Variants in CDH23 observed in about 807,000 individuals in gnomAD.
CDH23 encodes the protein cadherin-23.
Under a neutral mutation model 317.1 loss-of-function variants are expected in CDH23, and 189 were observed. The observed-to-expected ratio is 0.60, with a 90% CI of 0.53 to 0.67. The LOEUF is 0.67. Ranked by LOEUF, CDH23 falls within the 30% of genes least tolerant of loss-of-function variation. CDH23 has a pLI of 0.00. For synonymous variants in CDH23, 1,839 were observed against 1,876.8 expected (o/e 0.98, Z 0.52); for missense variants, 4,401 against 4,592.4 (o/e 0.96, Z 1.20).
chr10:71,673,068 T>A (rs1301287510), intron 14 of CDH23, among the ~76,000 whole-genome samples: 2 of 152,336 alleles, frequency 1.3e-5, no homozygotes, highest in South Asian at 2.1e-4. Flanking sequence ...TTCTGAGTCC[T>A]GCCTTCTTTG....
intron 20 of CDH23, among the ~76,000 whole-genome samples, chr10:71,693,353 T>C (rs1009191619): frequency 2.0e-5 from 3 of 152,192 alleles, no homozygotes; most frequent in African/African-American, 7.2e-5. Context: ...TGTTTGCATT[T>C]CAGTTACACC....
Position 71,615,493 on chromosome 10 carries a change from C to G in CDH23, c.833-11C>G. On this transcript the variant is annotated splice_polypyrimidine_tract_variant and intron_variant, in intron 9 of 69. Coordinates refer to ENST00000224721, the MANE Select transcript of CDH23 (RefSeq NM_022124.6). ...TGCCTGGTCACACCTGAATGCTTCT[C>G]TCTCTTGCAGGGAATACCAACAGCA... The G allele has an allele frequency of 6.2e-7, 1 of 1,600,426 alleles. No homozygotes were observed. Among genetic ancestry groups the G allele is most frequent in the Non-Finnish European group, 8.5e-7 (1 of 1,170,404 alleles).
intron 14 of CDH23, among the ~76,000 whole-genome samples, chr10:71,653,788 A>C (rs1589299785): frequency 6.6e-6 from 1 of 152,158 alleles, no homozygotes; most frequent in Non-Finnish European, 1.5e-5. Context: ...CAGTCTCCAG[A>C]GTGTGCTGTA....
intron 7 of CDH23, among the ~76,000 whole-genome samples, chr10:71,567,926 T>A (rs1857502431): frequency 6.6e-6 from 1 of 152,234 alleles, no homozygotes; most frequent in South Asian, 2.1e-4. Flanking sequence ...ACACTCAGCA[T>A]CCACTCCTGA....
chr10:71,725,541 G>C, intron 30 of CDH23, 21 bp downstream of exon 30: 2 of 1,608,540 alleles, frequency 1.2e-6, no homozygotes, highest in South Asian at 1.1e-5. Flanking sequence ...GGGCGGGCTG[G>C]GGTGCTGACC....
chr10:71,637,475 A>G (rs1312744033), intron 11 of CDH23, among the ~76,000 whole-genome samples: 1 of 152,222 alleles, frequency 6.6e-6, no homozygotes, highest in African/African-American at 2.4e-5. Flanking sequence ...AGCCCTATCA[A>G]ATAGGCTGCA....
chr10:71,424,711 A>T (rs1848975690), intron 1 of CDH23, among the ~76,000 whole-genome samples: 1 of 152,186 alleles, frequency 6.6e-6, no homozygotes, highest in African/African-American at 2.4e-5. Context: ...CTGTGCACCT[A>T]CTGTCCGCCA....
chr10:71,507,382 T>G (rs1337728355), intron 3 of CDH23, among the ~76,000 whole-genome samples: 1 of 152,222 alleles, frequency 6.6e-6, no homozygotes, highest in African/African-American at 2.4e-5. Flanking sequence ...ATTATATCTT[T>G]ACAAATAAAT....
Position 71,511,095 on chromosome 10 carries a change from T to C in CDH23, c.337-25T>C, listed in dbSNP as rs1305255323. On this transcript the variant is annotated intron_variant, in intron 5 of 69. Coordinates refer to ENST00000224721, the MANE Select transcript of CDH23 (RefSeq NM_022124.6). ...AGAGGCCAGAGTCAGGTGGCGGCGC[T>C]AATTGCCCGCCTTTCTCTTGCCAGG... 18 of 1,611,930 alleles carry C rather than the reference T, an allele frequency of 1.1e-5. No homozygotes were observed. The Admixed American group carries it at 3.0e-4, about 27-fold the overall frequency.
intron 6 of CDH23, among the ~76,000 whole-genome samples, chr10:71,549,608 C>T (rs1045573701): frequency 7.2e-5 from 11 of 152,210 alleles, no homozygotes; most frequent in African/African-American, 2.7e-4. Flanking sequence ...TAGAGAATCC[C>T]GAGGCTCAGT....
At chr10:71,540,904 G>A (rs1317263668) in intron 6 of CDH23, among the ~76,000 whole-genome samples, 1 of 151,894 alleles carries the variant, frequency 6.6e-6, no homozygotes, top group African/African-American at 2.4e-5. Context: ...GGGTGAATGG[G>A]TCTCTCTCAT....
intron 14 of CDH23, among the ~76,000 whole-genome samples, chr10:71,659,106 C>T (rs867030055): frequency 1.1e-4 from 17 of 152,348 alleles, no homozygotes; most frequent in South Asian, 8.3e-4. Context: ...AGTCACCCTT[C>T]AGTAGGTTCG....
At chr10:71,719,021 C>T (rs1377956301) in intron 28 of CDH23, among the ~76,000 whole-genome samples, 1 of 151,848 alleles carries the variant, frequency 6.6e-6, no homozygotes, top group Non-Finnish European at 1.5e-5. Context: ...GAGGCTACAG[C>T]GAGCTAGAAT....
chr10:71,698,612 GCCTTTGCACGAGC>G (rs1326816049), intron 22 of CDH23, among the ~76,000 whole-genome samples: 2 of 151,816 alleles, frequency 1.3e-5, no homozygotes, highest in Non-Finnish European at 2.9e-5. Flanking sequence ...CCAGCTCAGA[GCCTTTGCACGAGC>G]CCTTTCCTCC....
chr10:71,462,943 A>G (rs1204695404), intron 3 of CDH23, among the ~76,000 whole-genome samples: 2 of 152,230 alleles, frequency 1.3e-5, no homozygotes, highest in African/African-American at 4.8e-5. Flanking sequence ...GCCTGGGTCC[A>G]AGAGTGAACA....
intron 11 of CDH23, among the ~76,000 whole-genome samples, chr10:71,622,052 T>C (rs1861488668): frequency 6.6e-6 from 1 of 151,902 alleles, no homozygotes; most frequent in African/African-American, 2.4e-5. Flanking sequence ...GCCCCAGAAG[T>C]CAGCCTTGGT....
rs111904765 is a variant in CDH23 at position 71,479,613 on chromosome 10, A to C, written c.146-30469A>C. Among the ~76,000 whole-genome samples the C allele has an allele frequency of 5.6e-3, 851 of 152,304 alleles. 5 individuals carry two copies. Among genetic ancestry groups the C allele is most frequent in the African/African-American group, 0.019 (797 of 41,558 alleles). On this transcript the variant is annotated intron_variant, in intron 3 of 69. Transcript: ENST00000224721. ...GTTTTTATACTTTTGATTCTTCAAA[A>C]GGTAACGTGCTCCTGGGAAGCCTCA...
intron 1 of CDH23, among the ~76,000 whole-genome samples, chr10:71,403,343 CT>C (rs1455828393): frequency 1.7e-5 from 1 of 60,488 alleles, no homozygotes; most frequent in Non-Finnish European, 3.0e-5. Context: ...TTCTTTCTTT[CT>C]TTCTTTCTTT....
At chr10:71,457,232 AGTT>A (rs1300096124) in intron 3 of CDH23, among the ~76,000 whole-genome samples, 4 of 152,174 alleles carry the variant, frequency 2.6e-5, no homozygotes, top group African/African-American at 9.7e-5. Context: ...TGTGTCTTGA[AGTT>A]GTTGTGGTTA....
Sources: allele counts gnomAD v4.1 joint callset (sites outside exome capture counted in the v4.1 genomes callset), GRCh38; gene constraint gnomAD v4.1.1; transcripts MANE v1.5; gene names NCBI Gene and HGNC (gene_info 2026-07-23, HGNC 2026-07-21).